CFAP61: variants seen among roughly 807,000 people sequenced by gnomAD.
CFAP61 encodes the protein cilia and flagella associated protein 61, also known as cilia- and flagella-associated protein 61.
CFAP61 carries 107 observed loss-of-function variants against 135.6 expected under a neutral mutation model. The ratio of observed to expected loss-of-function variants is 0.79; its 90% CI spans 0.67 to 0.93. The LOEUF (loss-of-function observed/expected upper bound fraction) is 0.93. CFAP61 is among the 40% of genes least tolerant of loss of function. CFAP61 has a pLI of 0.00. For missense variants in CFAP61, 1,507 were observed against 1,556.2 expected (o/e 0.97, Z 0.53); for synonymous variants, 575 against 578.5 (o/e 0.99, Z 0.09).
chr20:20,073,399 C>G (rs1163014439), intron 3 of CFAP61, among the ~76,000 whole-genome samples: 1 of 152,198 alleles, frequency 6.6e-6, no homozygotes, highest in Non-Finnish European at 1.5e-5. Context: ...GAGTCACACA[C>G]CATCCGACAG....
chr20:20,102,747 C>T (rs550416357), intron 8 of CFAP61, among the ~76,000 whole-genome samples: 6 of 152,168 alleles, frequency 3.9e-5, no homozygotes, highest in Non-Finnish European at 7.4e-5. Context: ...CACTCTCCTA[C>T]TGGTACATCC....
At chr20:20,105,772 C>T (rs1250239254) in intron 8 of CFAP61, among the ~76,000 whole-genome samples, 1 of 149,914 alleles carries the variant, frequency 6.7e-6, no homozygotes, top group African/African-American at 2.5e-5. Context: ...GCTGGGACTA[C>T]AGGCGCCTGC....
chr20:20,100,983 C>A (rs904577549), intron 8 of CFAP61, among the ~76,000 whole-genome samples: 11 of 152,144 alleles, frequency 7.2e-5, no homozygotes, highest in African/African-American at 2.7e-4. Context: ...TGAAAGTCAG[C>A]TTTATGTTCA....
intron 25 of CFAP61, among the ~76,000 whole-genome samples, chr20:20,327,512 T>C (rs2122284817): frequency 6.6e-6 from 1 of 152,280 alleles, no homozygotes; most frequent in African/African-American, 2.4e-5. Context: ...TCACATTATG[T>C]AATATGTTTC....
At chr20:20,305,017 C>T (rs1486204234) in intron 25 of CFAP61, among the ~76,000 whole-genome samples, 2 of 152,166 alleles carry the variant, frequency 1.3e-5, no homozygotes, top group Non-Finnish European at 2.9e-5. Context: ...TGTATGAGCC[C>T]ATCAGATACT....
chr20:20,142,945 C>T lies in CFAP61; in HGVS notation c.948C>T (p.Ile316=), dbSNP rs1386796958. ...TCTCTCCAGATACCATGGAAAACATCCAGGTGAGAGAGACTATCCCTCCAT... is the reference window on the plus strand; with the variant it reads ...TCTCTCCAGATACCATGGAAAACATTCAGGTGAGAGAGACTATCCCTCCAT... ...EPVSPDTMEN[I]QGNIAREAAS... The change falls in exon 9 of 27, where the codon ATC becomes ATT. Residue 316 remains isoleucine (I), a synonymous_variant. Transcript: ENST00000245957. The T allele has an allele frequency of 6.3e-7, 1 of 1,576,298 alleles. No individual in the cohort carries two copies. Among genetic ancestry groups the T allele is most frequent in the African/African-American group, 1.3e-5 (1 of 74,216 alleles).
chr20:20,269,151 A>G (rs2053085120), intron 21 of CFAP61, among the ~76,000 whole-genome samples: 1 of 97,068 alleles, frequency 1.0e-5, no homozygotes, highest in Non-Finnish European at 2.4e-5. Flanking sequence ...ATATATACAC[A>G]CACACACACA....
intron 25 of CFAP61, among the ~76,000 whole-genome samples, chr20:20,301,236 T>C (rs1245250862): frequency 6.6e-6 from 1 of 152,176 alleles, no homozygotes; most frequent in Non-Finnish European, 1.5e-5. Flanking sequence ...ATATTTTTAC[T>C]GTACCTTTTC....
chr20:20,089,123 T>C (rs949255013), intron 6 of CFAP61, among the ~76,000 whole-genome samples: 1 of 151,936 alleles, frequency 6.6e-6, no homozygotes, highest in Non-Finnish European at 1.5e-5. Context: ...CAGCTACAAA[T>C]GTTCAAAAGA....
intron 19 of CFAP61, among the ~76,000 whole-genome samples, chr20:20,248,052 T>G (rs2146978408): frequency 6.6e-6 from 1 of 152,364 alleles, no homozygotes; most frequent in East Asian, 1.9e-4. Context: ...AATTTTTGCC[T>G]TTTTATTCAT....
chr20:20,163,245 C>A (rs2053546157), intron 10 of CFAP61, among the ~76,000 whole-genome samples: 1 of 152,166 alleles, frequency 6.6e-6, no homozygotes, highest in African/African-American at 2.4e-5. Flanking sequence ...AGGGAATCAT[C>A]TTCTGAGTTA....
intron 17 of CFAP61, among the ~76,000 whole-genome samples, chr20:20,227,864 A>G (rs571425502): frequency 2.0e-5 from 3 of 152,334 alleles, no homozygotes; most frequent in East Asian, 1.9e-4. Context: ...GAAACTGTGG[A>G]CAGAAGAAAA....
chr20:20,251,836 G>C, intron 20 of CFAP61, 73 bp downstream of exon 20: 2 of 1,446,380 alleles, frequency 1.4e-6, no homozygotes, highest in South Asian at 2.4e-5. Flanking sequence ...TGTTTACTGG[G>C]GCACACACAC....
chr20:20,204,048 C>T (rs2056753345), intron 17 of CFAP61, among the ~76,000 whole-genome samples: 1 of 152,120 alleles, frequency 6.6e-6, no homozygotes, highest in African/African-American at 2.4e-5. Flanking sequence ...CTTAAAGAGC[C>T]CCTCCCATTG....
At chr20:20,270,570 A>C (rs1455700392) in intron 21 of CFAP61, among the ~76,000 whole-genome samples, 1 of 152,140 alleles carries the variant, frequency 6.6e-6, no homozygotes, top group East Asian at 1.9e-4. Flanking sequence ...CTTGTTTTCT[A>C]ACTCCTGAAA....
At chr20:20,187,192 A>G (rs1351914706) in intron 13 of CFAP61, among the ~76,000 whole-genome samples, 1 of 152,066 alleles carries the variant, frequency 6.6e-6, no homozygotes, top group Non-Finnish European at 1.5e-5. Flanking sequence ...GCCTCTCTAT[A>G]CCCTTGTCCA....
At chr20:20,093,877 G>A (rs946422518) in intron 7 of CFAP61, among the ~76,000 whole-genome samples, 2 of 151,278 alleles carry the variant, frequency 1.3e-5, no homozygotes, top group Admixed American at 6.6e-5. Context: ...TTTTAATTTT[G>A]GACACTCACT....
At chr20:20,316,412 T>A (rs2057142002) in intron 25 of CFAP61, among the ~76,000 whole-genome samples, 1 of 151,884 alleles carries the variant, frequency 6.6e-6, no homozygotes, top group Non-Finnish European at 1.5e-5. Flanking sequence ...TTTGCTGAAG[T>A]TGCTTATCAG....
At chr20:20,169,621 G>C (rs1424161930) in intron 13 of CFAP61, among the ~76,000 whole-genome samples, 161 bp downstream of exon 13, 1 of 152,208 alleles carries the variant, frequency 6.6e-6, no homozygotes, top group Non-Finnish European at 1.5e-5. Context: ...TTTAGAGAAA[G>C]AATGGCACTT....
Sources: allele counts gnomAD v4.1 joint callset (sites outside exome capture counted in the v4.1 genomes callset), GRCh38; gene constraint gnomAD v4.1.1; transcripts MANE v1.5; gene names NCBI Gene and HGNC (gene_info 2026-07-23, HGNC 2026-07-21).